REV3L: variants seen among roughly 807,000 people sequenced by gnomAD.
The protein encoded by REV3L is REV3 like, DNA directed polymerase zeta catalytic subunit, also known as DNA polymerase zeta catalytic subunit.
REV3L carries 69 observed loss-of-function variants against 299.4 expected under a neutral mutation model. The ratio of observed to expected loss-of-function variants is 0.23; its 90% CI spans 0.19 to 0.28. REV3L has a LOEUF of 0.28. Ranked by LOEUF, REV3L falls within the 10% of genes least tolerant of loss-of-function variation. REV3L has a pLI of 1.00. For synonymous variants in REV3L, 1,238 were observed against 1,271.4 expected (o/e 0.97, Z 0.56); for missense variants, 3,128 against 3,693.8 (o/e 0.85, Z 3.97).
intron 31 of REV3L, among the ~76,000 whole-genome samples, chr6:111,302,550 T>TA (rs1238102524): frequency 6.6e-6 from 1 of 152,168 alleles, no homozygotes; most frequent in Non-Finnish European, 1.5e-5. Context: ...GGCAGGCACT[T>TA]AAAAAATATC....
intron 23 of REV3L, among the ~76,000 whole-genome samples, chr6:111,332,232 C>T (rs534891941): frequency 2.6e-5 from 4 of 152,120 alleles, no homozygotes; most frequent in East Asian, 1.9e-4. Flanking sequence ...CCACCATACC[C>T]GGCTAATTTT....
chr6:111,420,414 C>T (rs1444277773), intron 1 of REV3L, among the ~76,000 whole-genome samples: 3 of 152,108 alleles, frequency 2.0e-5, no homozygotes. Context: ...GTATATAATA[C>T]ATTATCAACT....
intron 1 of REV3L, among the ~76,000 whole-genome samples, chr6:111,435,547 A>C (rs35248830): frequency 0.056 from 8,528 of 152,304 alleles, 275 homozygotes; most frequent in Middle Eastern, 0.085. Context: ...CATCAAAAAC[A>C]TACAATGGGG....
chr6:111,483,363 C>T, upstream of REV3L: 1 of 480,234 alleles, frequency 2.1e-6, no homozygotes, highest in South Asian at 2.9e-5. Context: ...CGAGAAGGGG[C>T]TTTCTCCCCC....
At chr6:111,430,391 C>T (rs1018420682) in intron 1 of REV3L, 1 of 1,319,260 alleles carries the variant, frequency 7.6e-7, no homozygotes, top group African/African-American at 1.5e-5. Flanking sequence ...AGAACAATGA[C>T]TACCAGTCCA....
intron 14 of REV3L, among the ~76,000 whole-genome samples, chr6:111,366,097 T>C (rs889747417): frequency 1.3e-5 from 2 of 152,210 alleles, no homozygotes; most frequent in Non-Finnish European, 1.5e-5. Context: ...TGTTTCTGAC[T>C]TGTGTAACTA....
chr6:111,422,803 AT>A (rs1582933968), intron 1 of REV3L, among the ~76,000 whole-genome samples: 2 of 150,418 alleles, frequency 1.3e-5, no homozygotes, highest in East Asian at 3.9e-4. Context: ...ACAAAGCATA[AT>A]ATATAACAGT....
At chr6:111,469,732 C>T (rs1347201774) in intron 1 of REV3L, among the ~76,000 whole-genome samples, 1 of 152,200 alleles carries the variant, frequency 6.6e-6, no homozygotes, top group Non-Finnish European at 1.5e-5. Flanking sequence ...ACATAGCTAT[C>T]CTAGACCAAC....
intron 30 of REV3L, chr6:111,309,093 G>A (rs1485217966): frequency 6.6e-6 from 1 of 152,384 alleles, no homozygotes; most frequent in African/African-American, 2.4e-5. Flanking sequence ...GTTTACAGCT[G>A]AAGCCCCAGT....
chr6:111,304,837 T>A (rs980435127), intron 31 of REV3L, among the ~76,000 whole-genome samples: 6 of 152,146 alleles, frequency 3.9e-5, no homozygotes, highest in Non-Finnish European at 8.8e-5. Context: ...TCATTATATG[T>A]GAGAACATGC....
chr6:111,425,384 G>A (rs939089577), intron 1 of REV3L, among the ~76,000 whole-genome samples: 3 of 152,118 alleles, frequency 2.0e-5, no homozygotes, highest in Non-Finnish European at 4.4e-5. Context: ...GCACGAACCC[G>A]GCAGGCGGAG....
intron 26 of REV3L, among the ~76,000 whole-genome samples, chr6:111,317,008 C>A (rs1286358014): frequency 3.3e-5 from 5 of 152,026 alleles, no homozygotes; most frequent in Non-Finnish European, 7.4e-5. Flanking sequence ...TGACCACCAA[C>A]AGAAGTAATG....
chr6:111,375,756 G>T lies in REV3L; in HGVS notation c.2599C>A (p.Pro867Thr), dbSNP rs1209580600. The change falls in exon 13 of 32, where the codon CCT (proline) becomes ACT (threonine). Residue 867 changes from proline (P) to threonine (T), a missense_variant. Transcript: ENST00000368802. Reference protein sequence around the residue: ...FIQNNPCNSNPEKDNALASDL... With the variant: ...FIQNNPCNSNTEKDNALASDL... ...CTAGCCAATGCATTATCCTTCTCAGGATTACTATTACAAGGATTATTTTGT... is the reference window on the plus strand; with the variant it reads ...CTAGCCAATGCATTATCCTTCTCAGTATTACTATTACAAGGATTATTTTGT... 6.2e-7 allele frequency: 1 copy of T among 1,613,586 alleles called. No individual in the cohort carries two copies. The highest frequency in any genetic ancestry group is 8.5e-7 in the Non-Finnish European group (1 of 1,179,742).
In REV3L at chr6:111,375,376, C is replaced by A; in HGVS notation, c.2979G>T (p.Lys993Asn). The A allele has an allele frequency of 6.3e-7, 1 of 1,593,584 alleles. No individual in the cohort carries two copies. Among genetic ancestry groups the A allele is most frequent in the Non-Finnish European group, 8.5e-7 (1 of 1,173,686 alleles). ...RFRGRKNMLV[K>N]LGKIDSKEKQ... is the part of the protein sequence containing the mutation. ...TTTCTTTAGAGTCTATTTTTCCTAG[C>A]TTCACAAGCATATTTTTTCTCCCTC... The change falls in exon 13 of 32, where the codon AAG becomes AAT. Residue 993 changes from lysine (K) to asparagine (N), a missense_variant. Transcript: ENST00000368802.
chr6:111,302,742 AAAT>A (rs1771717236), intron 31 of REV3L, among the ~76,000 whole-genome samples: 1 of 152,148 alleles, frequency 6.6e-6, no homozygotes, highest in Non-Finnish European at 1.5e-5. Flanking sequence ...TCTCCACTAA[AAAT>A]ACGAAAATTA....
rs185047222 is a variant in REV3L at position 111,330,913 on chromosome 6, G to C, written c.8034+763C>G. On this transcript the variant is annotated intron_variant, in intron 24 of 31. Transcript: ENST00000368802. ...GGTTAAAATTTTCTTCATCTACATG[G>C]CTAATTTTAGTTTAGTATTCCCTCT... is the stretch of plus-strand genomic sequence containing the variant. 7.0e-6 allele frequency: 6 copies of C among 855,622 alleles called. No homozygotes were observed. In the Admixed American group the frequency reaches 3.1e-4, roughly 44 times the overall value. 53.0% of individuals were successfully genotyped at this position (855,622 alleles called of 1,614,324 possible).
intron 1 of REV3L, among the ~76,000 whole-genome samples, chr6:111,445,385 T>C (rs578172772): frequency 6.6e-6 from 1 of 152,252 alleles, no homozygotes; most frequent in African/African-American, 2.4e-5. Context: ...AAAATATAAG[T>C]TGCAATTTTT....
intron 21 of REV3L, among the ~76,000 whole-genome samples, chr6:111,339,410 A>G (rs1291087586): frequency 6.6e-6 from 1 of 152,172 alleles, no homozygotes; most frequent in Non-Finnish European, 1.5e-5. Context: ...ATAATACATT[A>G]TAAATGAGTA....
chr6:111,465,270 G>A (rs977962855), intron 1 of REV3L, among the ~76,000 whole-genome samples: 10 of 150,814 alleles, frequency 6.6e-5, no homozygotes, highest in Non-Finnish European at 1.5e-4. Context: ...TAGTAGAGAC[G>A]GGGTTTTGCC....
Sources: allele counts gnomAD v4.1 joint callset (sites outside exome capture counted in the v4.1 genomes callset), GRCh38; gene constraint gnomAD v4.1.1; transcripts MANE v1.5; gene names NCBI Gene and HGNC (gene_info 2026-07-23, HGNC 2026-07-21).